SPART: variants seen among roughly 807,000 people sequenced by gnomAD.
The protein encoded by SPART is spastic paraplegia 20 (Troyer syndrome).
SPART carries 35 observed loss-of-function variants against 58.7 expected under a neutral mutation model. The observed-to-expected ratio is 0.60, with a 90% CI of 0.46 to 0.79. The LOEUF (loss-of-function observed/expected upper bound fraction) is 0.79. SPART is among the 30% of genes least tolerant of loss of function. The pLI is 0.00. For synonymous variants in SPART, 284 were observed against 280.7 expected (o/e 1.01, Z -0.12); for missense variants, 730 against 786.1 (o/e 0.93, Z 0.85).
intron 1 of SPART, among the ~76,000 whole-genome samples, chr13:36,342,243 T>G (rs1884649218): frequency 6.6e-6 from 1 of 152,220 alleles, no homozygotes; most frequent in Non-Finnish European, 1.5e-5. Context: ...TGATGCAATA[T>G]TACTATTAGT....
At chr13:36,305,755 G>C (rs563055902) in intron 8 of SPART, among the ~76,000 whole-genome samples, 1 of 151,964 alleles carries the variant, frequency 6.6e-6, no homozygotes, top group South Asian at 2.1e-4. Context: ...CCCCATTTTG[G>C]TAACAGGCTT....
intron 5 of SPART, among the ~76,000 whole-genome samples, chr13:36,318,684 C>T (rs967682459): frequency 4.6e-5 from 7 of 152,214 alleles, no homozygotes; most frequent in Admixed American, 1.3e-4. Flanking sequence ...GCCAGGCGTT[C>T]CTCCAGAACC....
At chr13:36,357,817 A>C (rs1383026930) in intron 1 of SPART, among the ~76,000 whole-genome samples, 2 of 152,180 alleles carry the variant, frequency 1.3e-5, no homozygotes, top group African/African-American at 4.8e-5. Context: ...AGGAAGAAAA[A>C]TGTGTGATGA....
At chr13:36,369,123 C>T (rs944057987) in intron 1 of SPART, among the ~76,000 whole-genome samples, 2 of 152,102 alleles carry the variant, frequency 1.3e-5, no homozygotes, top group Non-Finnish European at 2.9e-5. Context: ...ATCTTTCTTC[C>T]AAGTGTCATC....
At chr13:36,315,739 T>G (rs1261563812) in intron 5 of SPART, among the ~76,000 whole-genome samples, 1 of 152,126 alleles carries the variant, frequency 6.6e-6, no homozygotes, top group African/African-American at 2.4e-5. Context: ...TTAGATTAAC[T>G]TATAGGTTGA....
At chr13:36,341,928 CT>C (rs1234840568) in intron 1 of SPART, among the ~76,000 whole-genome samples, 1 of 152,196 alleles carries the variant, frequency 6.6e-6, no homozygotes, top group East Asian at 1.9e-4. Context: ...ATTGCCACAT[CT>C]TTCCAAAGAA....
At chr13:36,369,105 T>A (rs9566119) in intron 1 of SPART, among the ~76,000 whole-genome samples, 16,618 of 152,312 alleles carry the variant, frequency 0.11, 883 homozygotes, top group Middle Eastern at 0.16. Context: ...CAAGGTCATT[T>A]GCCTCCCATC....
chr13:36,313,921 A>G lies in SPART; in HGVS notation c.1483+306T>C, dbSNP rs1881397477. On this transcript the variant is annotated intron_variant, in intron 6 of 8. Coordinates refer to ENST00000438666, the MANE Select transcript of SPART (RefSeq NM_015087.5). The stretch of plus-strand genomic sequence containing the variant: ...ATTCTCCTCTCCAACACATCAGAAC[A>G]ACCCTTTAACCAGTTTCTCAAACTT... The G allele has an allele frequency of 1.0e-5, 4 of 391,316 alleles. No individual in the cohort carries two copies. In the Admixed American group the frequency reaches 1.7e-4, roughly 17 times the overall value. The allele number at this position is 391,316 out of a possible 1,614,324, so 24.2% of individuals were successfully genotyped here.
At chr13:36,356,614 C>G (rs772036429) in intron 1 of SPART, among the ~76,000 whole-genome samples, 1 of 152,302 alleles carries the variant, frequency 6.6e-6, no homozygotes, top group East Asian at 1.9e-4. Context: ...GTTGTCCCCC[C>G]TTTCTGGACT....
At chr13:36,329,288 A>G in intron 4 of SPART, 74 bp downstream of exon 4, 1 of 1,538,178 alleles carries the variant, frequency 6.5e-7, no homozygotes, top group Non-Finnish European at 9.0e-7. Context: ...TGGGAATATG[A>G]TCATATAAAT....
At chr13:36,364,814 C>T (rs1488017474) in intron 1 of SPART, among the ~76,000 whole-genome samples, 1 of 152,150 alleles carries the variant, frequency 6.6e-6, no homozygotes, top group Non-Finnish European at 1.5e-5. Context: ...CCAAGGTCCT[C>T]CTGCCACAGG....
rs1034778801 is a variant in SPART, at chr13:36,328,993, G to A, written c.1164+369C>T. Among the ~76,000 whole-genome samples the A allele has an allele frequency of 3.9e-5, 6 of 152,200 alleles. No homozygotes were observed. The East Asian group carries it at 1.2e-3, about 29-fold the overall frequency. ...CTCATGTCTGTAATGCTGGCTACTC[G>A]TGGAGCGTGAGGCAGGAGGATCACA... is the stretch of plus-strand genomic sequence containing the variant. On this transcript the variant is annotated intron_variant, in intron 4 of 8. Transcript: ENST00000438666.
chr13:36,352,708 A>G (rs115877452), intron 1 of SPART, among the ~76,000 whole-genome samples: 1,898 of 151,240 alleles, frequency 0.013, 44 homozygotes, highest in African/African-American at 0.044. Context: ...ACATGTTGGG[A>G]GGCTGAGGTG....
At chr13:36,314,158 A>T in intron 6 of SPART, 69 bp downstream of exon 6, 1 of 1,450,292 alleles carries the variant, frequency 6.9e-7, no homozygotes, top group Admixed American at 1.7e-5. Context: ...GAACATGCAG[A>T]TTAACCCTGG....
intron 1 of SPART, among the ~76,000 whole-genome samples, chr13:36,359,883 G>GTGCC (rs1053053483): frequency 7.5e-6 from 1 of 132,460 alleles, no homozygotes; most frequent in Admixed American, 8.3e-5. Flanking sequence ...ATTTAGGATA[G>GTGCC]TGCCTAGAAC....
At chr13:36,323,910 C>A (rs375852092) in intron 5 of SPART, among the ~76,000 whole-genome samples, 1 of 152,168 alleles carries the variant, frequency 6.6e-6, no homozygotes, top group Non-Finnish European at 1.5e-5. Flanking sequence ...CTGAGTGTTA[C>A]CAGAACACAG....
Position 36,303,098 on chromosome 13 carries a change from G to A in SPART, c.*1267C>T, listed in dbSNP as rs967757427. ...TTGGCCTTAGGAAAAGCCTCCATCA[G>A]TTCTATGTGTTCCCAAAATATAAGC... is the stretch of plus-strand genomic sequence containing the variant. On this transcript the variant is annotated 3_prime_UTR_variant, in exon 9 of 9. Transcript: ENST00000438666. 6 of 152,100 alleles carry A rather than the reference G, an allele frequency of 3.9e-5. No individual in the cohort carries two copies. The highest frequency in any genetic ancestry group is 6.6e-5 in the Admixed American group (1 of 15,260). The allele number at this position is 152,100 out of a possible 1,614,324, so 9.4% of individuals were successfully genotyped here.
intron 1 of SPART, among the ~76,000 whole-genome samples, chr13:36,352,354 TTGTACTTTTTATATTA>T (rs1276374542): frequency 1.3e-5 from 2 of 152,222 alleles, no homozygotes; most frequent in Non-Finnish European, 2.9e-5. Flanking sequence ...ACTAGCTAAA[TTGTACTTTTTATATTA>T]TGTTATAAAT....
intron 1 of SPART, among the ~76,000 whole-genome samples, chr13:36,366,892 A>G (rs1593299190): frequency 6.6e-6 from 1 of 152,316 alleles, no homozygotes; most frequent in South Asian, 2.1e-4. Flanking sequence ...AAATTCAATA[A>G]TCAGACTGAA....
Sources: allele counts gnomAD v4.1 joint callset (sites outside exome capture counted in the v4.1 genomes callset), GRCh38; gene constraint gnomAD v4.1.1; transcripts MANE v1.5; gene names NCBI Gene and HGNC (gene_info 2026-07-23, HGNC 2026-07-21).